TRPC3: variants seen among roughly 807,000 people sequenced by gnomAD.
TRPC3 encodes short transient receptor potential channel 3.
TRPC3 carries 54 observed loss-of-function variants against 90.9 expected under a neutral mutation model. That is an observed-to-expected ratio of 0.59 (90% CI 0.48 to 0.75). The LOEUF is 0.75. Among genes scored for constraint, TRPC3 ranks in the 30% least tolerant of loss-of-function variants. The pLI is 0.00. For missense variants in TRPC3, 918 were observed against 1,194.5 expected (o/e 0.77, Z 3.41); for synonymous variants, 424 against 450.9 (o/e 0.94, Z 0.75).
intron 3 of TRPC3, among the ~76,000 whole-genome samples, chr4:121,920,191 T>C (rs1203967021): frequency 6.6e-6 from 1 of 152,182 alleles, no homozygotes; most frequent in South Asian, 2.1e-4. Flanking sequence ...GTGTTCACTA[T>C]CCTTCCAGTT....
intron 1 of TRPC3, chr4:121,933,266 C>T: frequency 1.2e-6 from 1 of 841,408 alleles, no homozygotes; most frequent in Non-Finnish European, 1.6e-6. Context: ...CCCTTCAGAA[C>T]AAAAGCTCCT....
intron 3 of TRPC3, among the ~76,000 whole-genome samples, chr4:121,917,501 G>T (rs1729358905): frequency 6.6e-6 from 1 of 152,152 alleles, no homozygotes; most frequent in South Asian, 2.1e-4. Flanking sequence ...TTGGGCAAGT[G>T]TATTGGTACA....
At position 121,877,557 on chromosome 4, in the gene TRPC3, G is replaced by C. The variant is rs1727797357; in HGVS notation, c.*2179C>G. Reference sequence around the variant, plus strand: ...GTGATTGGCTAGGAACTGCACAGGAGAATCTGGGAGACAGGTGCACTGGTC... The same window carrying C: ...GTGATTGGCTAGGAACTGCACAGGACAATCTGGGAGACAGGTGCACTGGTC... On this transcript the variant is annotated 3_prime_UTR_variant, in exon 12 of 12. Coordinates refer to ENST00000379645, the MANE Select transcript of TRPC3 (RefSeq NM_001130698.2). 6.6e-6 allele frequency among the ~76,000 whole-genome samples: 1 copy of C among 152,116 alleles called. No homozygotes were observed. The highest frequency in any genetic ancestry group is 1.5e-5 in the Non-Finnish European group (1 of 68,014).
In TRPC3 at chr4:121,951,222, A is replaced by C. The variant is rs1730726161; in HGVS notation, c.215+244T>G. On this transcript the variant is annotated intron_variant, in intron 1 of 11. Coordinates refer to ENST00000379645, the MANE Select transcript of TRPC3 (RefSeq NM_001130698.2). This position sits in a 1 kb window ranked among gnomAD's most constrained non-coding sequence, Gnocchi z 4.4. Reference sequence around the variant, plus strand: ...GCCTGCGGGCTGTTCCGTGTGCTTGAGCCTGGACAGAGCCCCTGCCACGCA... The same window carrying C: ...GCCTGCGGGCTGTTCCGTGTGCTTGCGCCTGGACAGAGCCCCTGCCACGCA... 6.6e-6 allele frequency among the ~76,000 whole-genome samples: 1 copy of C among 152,110 alleles called. No homozygotes were observed. Among genetic ancestry groups the C allele is most frequent in the East Asian group, 1.9e-4 (1 of 5,166 alleles).
chr4:121,930,970 G>A lies in TRPC3; in HGVS notation c.987+1301C>T, dbSNP rs1729897166. ...TTGTATTTTCCCTTTTTTGGAAAAT[G>A]CTTACAATAAATGTGTGTAGCTTTT... On this transcript the variant is annotated intron_variant, in intron 2 of 11. Coordinates refer to ENST00000379645, the MANE Select transcript of TRPC3 (RefSeq NM_001130698.2). 7.0e-5 allele frequency: 16 copies of A among 229,308 alleles called. No homozygotes were observed. The South Asian group carries it at 7.8e-4, about 11-fold the overall frequency. 14.2% of individuals were successfully genotyped at this position (229,308 alleles called of 1,614,324 possible). A position where few individuals can be genotyped will look rare whatever the true frequency, so the allele number is the denominator to read the frequency against.
intron 1 of TRPC3, among the ~76,000 whole-genome samples, chr4:121,949,745 C>G (rs1425285403): frequency 2.0e-5 from 3 of 152,202 alleles, no homozygotes; most frequent in African/African-American, 7.2e-5. Context: ...TATACCACAA[C>G]ATTTACTTGC....
At chr4:121,896,043 A>G (rs1190026014) in intron 10 of TRPC3, among the ~76,000 whole-genome samples, 2 of 152,298 alleles carry the variant, frequency 1.3e-5, no homozygotes, top group East Asian at 1.9e-4. Context: ...AACATCATAC[A>G]TCACATCAAC....
At chr4:121,949,899 A>G (rs1432254141) in intron 1 of TRPC3, among the ~76,000 whole-genome samples, 2 of 152,194 alleles carry the variant, frequency 1.3e-5, no homozygotes, top group African/African-American at 4.8e-5. Flanking sequence ...GCTCCGCCCT[A>G]CTTTCTCAGA....
chr4:121,939,189 G>A (rs1245911695), intron 1 of TRPC3, among the ~76,000 whole-genome samples: 2 of 152,152 alleles, frequency 1.3e-5, no homozygotes. Flanking sequence ...AGTTGGGTGG[G>A]TGTGTTCAAG....
rs149130556 is a variant in TRPC3 at position 121,875,027 on chromosome 4, CAAT to C, written c.*4706_*4708del. ...AGATAAACATTTCAATATGTCACAACAATGTTTAAATGAAAACAAAAATATAGG... is the reference window on the plus strand; with the variant it reads ...AGATAAACATTTCAATATGTCACAACGTTTAAATGAAAACAAAAATATAGG... On this transcript the variant is annotated 3_prime_UTR_variant, in exon 12 of 12. Coordinates refer to ENST00000379645, the MANE Select transcript of TRPC3 (RefSeq NM_001130698.2). Among the ~76,000 whole-genome samples the C allele has an allele frequency of 7.4e-3, 1,119 of 151,694 alleles. 12 individuals are homozygous for C. Among genetic ancestry groups the C allele is most frequent in the African/African-American group, 0.026 (1,075 of 41,364 alleles).
chr4:121,932,186 G>A lies in TRPC3; in HGVS notation c.987+85C>T. On this transcript the variant is annotated intron_variant, in intron 2 of 11. Transcript: ENST00000379645. This position sits in a 1 kb window ranked among gnomAD's most constrained non-coding sequence, Gnocchi z 7.7. ...CATTCACTGGGCAAAACCGAATGTG[G>A]AGCGAACGGTGGCAGAGCAGGCCAG... 1 of 1,548,882 alleles carries A rather than the reference G, an allele frequency of 6.5e-7. No individual in the cohort carries two copies. Among genetic ancestry groups the A allele is most frequent in the Non-Finnish European group, 8.7e-7 (1 of 1,146,362 alleles).
At chr4:121,896,244 G>A (rs1728511229) in intron 10 of TRPC3, among the ~76,000 whole-genome samples, 1 of 151,864 alleles carries the variant, frequency 6.6e-6, no homozygotes, top group Non-Finnish European at 1.5e-5. Flanking sequence ...AGGTTTTTTA[G>A]AAGTGTAACA....
intron 2 of TRPC3, chr4:121,930,730 A>G (rs138223935): frequency 7.5e-5 from 25 of 331,788 alleles, no homozygotes; most frequent in African/African-American, 3.2e-4. Context: ...TGTTTTAATT[A>G]CTGTTTCAAA....
At position 121,899,597 on chromosome 4, in the gene TRPC3, C is replaced by G. The variant is rs759681551; in HGVS notation, c.2547+15G>C. ...ATCACATAGAGATCAAGAGATACGT[C>G]TAATGAATGCTTACCTGATAACGTG... On this transcript the variant is annotated intron_variant, in intron 10 of 11. Transcript: ENST00000379645. 2.5e-6 allele frequency: 4 copies of G among 1,607,436 alleles called. No individual in the cohort carries two copies. The Admixed American group carries it at 6.7e-5, about 27-fold the overall frequency.
intron 1 of TRPC3, among the ~76,000 whole-genome samples, chr4:121,937,459 AT>A (rs996808120): frequency 2.2e-4 from 33 of 152,342 alleles, no homozygotes; most frequent in Admixed American, 2.0e-3. Context: ...ACTATTTAAA[AT>A]TTGGTCTCCA....
intron 1 of TRPC3, among the ~76,000 whole-genome samples, chr4:121,947,996 C>A (rs1730550610): frequency 6.6e-6 from 1 of 152,080 alleles, no homozygotes; most frequent in African/African-American, 2.4e-5. Flanking sequence ...TAAACAAAAG[C>A]TTTTTCCCTC....
At chr4:121,914,678 G>A (rs1470437212) in intron 4 of TRPC3, 102 bp downstream of exon 4, 1 of 1,213,012 alleles carries the variant, frequency 8.2e-7, no homozygotes, top group African/African-American at 1.5e-5. Context: ...TTAACATTCA[G>A]GGTAAAACTG....
intron 11 of TRPC3, 126 bp from the exon 12 acceptor site, chr4:121,880,004 T>G: frequency 1.2e-6 from 1 of 835,082 alleles, no homozygotes; most frequent in African/African-American, 1.8e-5. Flanking sequence ...TACTTCAAAG[T>G]TTTTTCTTTA....
intron 3 of TRPC3, among the ~76,000 whole-genome samples, 174 bp downstream of exon 3, chr4:121,924,844 C>T (rs1205893352): frequency 1.3e-5 from 2 of 152,198 alleles, no homozygotes; most frequent in East Asian, 3.9e-4. Context: ...ATTACAGGCA[C>T]ATGCCATCAT....
Sources: gnomAD v4.1 joint callset for allele counts (sites outside exome capture counted in the v4.1 genomes callset) on GRCh38, gnomAD v4.1.1 for gene constraint, Gnocchi (gnomAD v3.1) non-coding constraint, MANE v1.5 for transcripts, NCBI Gene and HGNC (gene_info 2026-07-23, HGNC 2026-07-21) for gene names.